The following FSTL5 variants were observed in gnomAD, a reference collection of about 807,000 sequenced individuals.
The protein encoded by FSTL5 is follistatin like 5.
FSTL5 carries 62 observed loss-of-function variants against 89.1 expected under a neutral mutation model. The ratio of observed to expected loss-of-function variants is 0.70; its 90% CI spans 0.57 to 0.86. The LOEUF is 0.86. FSTL5 is among the 40% of genes least tolerant of loss of function. FSTL5 has a pLI of 0.00. For synonymous variants in FSTL5, 383 were observed against 346.2 expected (o/e 1.11, Z -1.18); for missense variants, 1,057 against 1,001.6 (o/e 1.06, Z -0.75).
intron 6 of FSTL5, among the ~76,000 whole-genome samples, chr4:161,696,675 A>G (rs1294873694): frequency 6.6e-6 from 1 of 152,078 alleles, no homozygotes; most frequent in Non-Finnish European, 1.5e-5. Flanking sequence ...CTCCTTGGTT[A>G]GGTATATTCC....
At chr4:162,132,687 T>C (rs543259762) in intron 1 of FSTL5, among the ~76,000 whole-genome samples, 91 of 152,296 alleles carry the variant, frequency 6.0e-4, no homozygotes, top group African/African-American at 2.1e-3. Flanking sequence ...TGAAATAATC[T>C]TCAGAACATG....
chr4:162,048,982 TA>T (rs1738294815), intron 2 of FSTL5, among the ~76,000 whole-genome samples: 1 of 152,200 alleles, frequency 6.6e-6, no homozygotes, highest in African/African-American at 2.4e-5. Flanking sequence ...GATGTTGGCA[TA>T]ATGCTAAAAC....
intron 4 of FSTL5, among the ~76,000 whole-genome samples, chr4:161,864,763 T>G (rs964010766): frequency 1.3e-5 from 2 of 149,370 alleles, no homozygotes; most frequent in African/African-American, 4.9e-5. Context: ...TCCCAGTTAC[T>G]CGGGAGGCCG....
chr4:162,027,166 G>A (rs559606924), intron 3 of FSTL5, among the ~76,000 whole-genome samples: 1 of 152,174 alleles, frequency 6.6e-6, no homozygotes, highest in South Asian at 2.1e-4. Context: ...GCTTCCTGTG[G>A]CAGAAGGACA....
At chr4:161,467,347 T>C (rs910254941) in intron 13 of FSTL5, among the ~76,000 whole-genome samples, 4 of 152,118 alleles carry the variant, frequency 2.6e-5, no homozygotes, top group South Asian at 2.1e-4. Flanking sequence ...AAGTAAAACA[T>C]CATTTGGATA....
chr4:161,911,491 T>C (rs1041250657), intron 4 of FSTL5, among the ~76,000 whole-genome samples: 5 of 152,166 alleles, frequency 3.3e-5, no homozygotes, highest in African/African-American at 9.6e-5. Context: ...TTACAATGCA[T>C]GTTCAGATTT....
intron 4 of FSTL5, among the ~76,000 whole-genome samples, chr4:161,846,108 T>C (rs1443763796): frequency 2.0e-5 from 3 of 152,014 alleles, no homozygotes; most frequent in African/African-American, 7.3e-5. Context: ...TGTGTGTGTG[T>C]GCACGCACAA....
At chr4:161,980,196 GGA>G (rs1260494069) in intron 3 of FSTL5, among the ~76,000 whole-genome samples, 3 of 145,994 alleles carry the variant, frequency 2.1e-5, no homozygotes, top group South Asian at 2.2e-4. Context: ...AGACAAGGAA[GGA>G]GAGAGAGAAA....
intron 15 of FSTL5, among the ~76,000 whole-genome samples, chr4:161,406,178 T>C (rs924079994): frequency 3.3e-5 from 5 of 152,092 alleles, no homozygotes; most frequent in African/African-American, 1.2e-4. Context: ...GGGTAAAAAA[T>C]GAAGTCAATG....
intron 7 of FSTL5, among the ~76,000 whole-genome samples, chr4:161,637,970 C>T (rs2126664255): frequency 6.6e-6 from 1 of 151,428 alleles, no homozygotes; most frequent in African/African-American, 2.4e-5. Flanking sequence ...TCCATATGAA[C>T]TTTAAAGTAG....
intron 4 of FSTL5, among the ~76,000 whole-genome samples, chr4:161,873,918 T>C (rs1732356759): frequency 6.6e-6 from 1 of 152,074 alleles, no homozygotes; most frequent in Non-Finnish European, 1.5e-5. Context: ...TGTGACTGTA[T>C]TGTAGTTTGT....
intron 2 of FSTL5, 73 bp from the exon 3 acceptor site, chr4:162,033,731 C>A: frequency 1.3e-6 from 1 of 776,326 alleles, no homozygotes; most frequent in Non-Finnish European, 2.1e-6. Flanking sequence ...TAAAGTTTCA[C>A]TATAGAAGTA....
At chr4:161,827,024 C>T (rs759122746) in intron 4 of FSTL5, among the ~76,000 whole-genome samples, 5 of 152,038 alleles carry the variant, frequency 3.3e-5, no homozygotes, top group Non-Finnish European at 7.4e-5. Context: ...TGGTGTATTT[C>T]AAGGATTTGT....
intron 6 of FSTL5, among the ~76,000 whole-genome samples, chr4:161,754,320 T>C (rs920302743): frequency 6.6e-6 from 1 of 152,094 alleles, no homozygotes; most frequent in Non-Finnish European, 1.5e-5. Context: ...GTTGAATTAA[T>C]AGAAATTTTT....
At chr4:161,688,386 C>A (rs771288253) in intron 6 of FSTL5, among the ~76,000 whole-genome samples, 20 of 152,070 alleles carry the variant, frequency 1.3e-4, no homozygotes, top group Non-Finnish European at 2.6e-4. Context: ...CCTCCTGGCC[C>A]AGTCTGTCAT....
intron 6 of FSTL5, among the ~76,000 whole-genome samples, chr4:161,739,536 A>G (rs1739932046): frequency 6.6e-6 from 1 of 152,236 alleles, no homozygotes; most frequent in African/African-American, 2.4e-5. Context: ...GAACATTTGT[A>G]GAACTGCACA....
chr4:161,540,182 A>G (rs534901184), intron 9 of FSTL5, among the ~76,000 whole-genome samples: 4 of 152,220 alleles, frequency 2.6e-5, no homozygotes, highest in African/African-American at 7.2e-5. Flanking sequence ...AAGCTAACCC[A>G]TCTCTGCATC....
At chr4:161,698,419 AG>A (rs557696038) in intron 6 of FSTL5, among the ~76,000 whole-genome samples, 181 of 152,276 alleles carry the variant, frequency 1.2e-3, no homozygotes, top group Non-Finnish European at 2.2e-3. Flanking sequence ...ACAGTTAGAT[AG>A]GAGGAATAAG....
intron 8 of FSTL5, among the ~76,000 whole-genome samples, chr4:161,567,144 AC>A (rs1397148429): frequency 2.6e-5 from 4 of 152,152 alleles, no homozygotes; most frequent in Admixed American, 2.6e-4. Flanking sequence ...ATGTCATTGT[AC>A]TATTTTAAAT....
Sources: gnomAD v4.1 joint callset for allele counts (sites outside exome capture counted in the v4.1 genomes callset) on GRCh38, gnomAD v4.1.1 for gene constraint, MANE v1.5 for transcripts, NCBI Gene and HGNC (gene_info 2026-07-23, HGNC 2026-07-21) for gene names.